SLC6A12: variants seen among roughly 807,000 people sequenced by gnomAD.
SLC6A12 encodes solute carrier family 6 member 12.
A neutral mutation model predicts 73.3 loss-of-function variants in SLC6A12; 50 were observed. That is an observed-to-expected ratio of 0.68 (90% CI 0.54 to 0.86). The LOEUF is 0.86. Among genes scored for constraint, SLC6A12 ranks in the 40% least tolerant of loss-of-function variants. The pLI is 0.00. For synonymous variants in SLC6A12, 304 were observed against 309.2 expected, an observed-to-expected ratio of 0.98 and a Z score of 0.18; for missense variants, 648 against 772.8, an observed-to-expected ratio of 0.84 and a Z score of 1.92.
rs1355445068 is a variant in SLC6A12, at chr12:196,192, G to A, written c.1258C>T (p.Arg420Trp). Reference sequence around the variant, plus strand: ...ATGGTGAGGATGAGGAGCTCGCGCCGCCCGCTCTTCCGGAGCTGCCTGGGG... The same window carrying A: ...ATGGTGAGGATGAGGAGCTCGCGCCACCCGCTCTTCCGGAGCTGCCTGGGG... ...MFPRQLRKSG[R>W]RELLILTIAV... The change falls in exon 12 of 16, where the codon CGG becomes TGG. Residue 420 changes from arginine (R) to tryptophan (W), a missense_variant. Coordinates refer to ENST00000684302, the MANE Select transcript of SLC6A12 (RefSeq NM_001122848.3). 44 of 1,587,454 alleles carry A rather than the reference G, an allele frequency of 2.8e-5. No individual in the cohort carries two copies. The highest frequency in any genetic ancestry group is 1.7e-4 in the Middle Eastern group (1 of 5,804).
intron 3 of SLC6A12, 110 bp downstream of exon 3, chr12:209,663 A>G (rs1030945448): frequency 1.2e-5 from 14 of 1,188,840 alleles, no homozygotes; most frequent in Admixed American, 1.8e-5. Flanking sequence ...CAATTCCAAA[A>G]TAGCCCTCCT....
intron 14 of SLC6A12, among the ~76,000 whole-genome samples, chr12:192,877 A>G (rs1165021620): frequency 6.9e-6 from 1 of 145,664 alleles, no homozygotes; most frequent in Non-Finnish European, 1.5e-5. Flanking sequence ...CATTCACATC[A>G]CAGACGGAGA....
chr12:207,550 C>T (rs1280778078), intron 3 of SLC6A12, among the ~76,000 whole-genome samples: 1 of 152,120 alleles, frequency 6.6e-6, no homozygotes, highest in Non-Finnish European at 1.5e-5. Context: ...AATTAATAAT[C>T]AATAAATTTC....
At position 209,946 on chromosome 12, in the gene SLC6A12, G is replaced by A. The variant is rs770517528; in HGVS notation, c.41C>T (p.Ala14Val). The A allele has an allele frequency of 7.4e-6, 12 of 1,614,036 alleles. No individual in the cohort carries two copies. Among genetic ancestry groups the A allele is most frequent in the South Asian group, 3.3e-5 (3 of 91,076 alleles). Reference sequence around the variant, plus strand: ...TCCCTCCTCGGGGACCCAGGAGACTGCAGGAGGCCCACACTCTTGCACTGC... The same window carrying A: ...TCCCTCCTCGGGGACCCAGGAGACTACAGGAGGCCCACACTCTTGCACTGC... ...KVAVQECGPP[A>V]VSWVPEEGEK... is the part of the protein sequence containing the mutation. The change falls in exon 3 of 16, where the codon GCA becomes GTA. Residue 14 changes from alanine (A) to valine (V), a missense_variant. By Grantham distance (64) the Ala-to-Val change is moderately conservative (BLOSUM62 0). Transcript: ENST00000684302.
In SLC6A12 at chr12:198,594, GA is replaced by G. The variant is rs1294465841; in HGVS notation, c.846+202del. 4 of 536,326 alleles carry G rather than the reference GA, an allele frequency of 7.5e-6. No homozygotes were observed. Among genetic ancestry groups the G allele is most frequent in the African/African-American group, 3.9e-5 (2 of 51,576 alleles). The allele number at this position is 536,326 out of a possible 1,614,324, so 33.2% of individuals were successfully genotyped here. A position where few individuals can be genotyped will look rare whatever the true frequency, so the allele number is the denominator to read the frequency against. ...AAGTAAGAGAAAAAAAATTTTTTAA[GA>G]AAAAAAGTTATATTTGAGTGGTGGA... On this transcript the variant is annotated intron_variant, in intron 8 of 15. Transcript: ENST00000684302. This position sits in a 1 kb window ranked among gnomAD's most constrained non-coding sequence, Gnocchi z 4.0.
chr12:209,694 G>A, intron 3 of SLC6A12, 79 bp downstream of exon 3: 1 of 1,498,506 alleles, frequency 6.7e-7, no homozygotes, highest in East Asian at 2.3e-5. Flanking sequence ...ACACTGCCCA[G>A]GAAGGAGGGC....
At chr12:187,494 G>A (rs1939451461), downstream of SLC6A12, among the ~76,000 whole-genome samples, 1 of 150,232 alleles carries the variant, frequency 6.7e-6, no homozygotes, top group Non-Finnish European at 1.5e-5. Flanking sequence ...GCTGGTTTCA[G>A]AAGTAAACCT....
intron 12 of SLC6A12, 93 bp downstream of exon 12, chr12:196,031 G>C: frequency 2.4e-6 from 3 of 1,248,932 alleles, no homozygotes; most frequent in Non-Finnish European, 3.3e-6. Flanking sequence ...CTCGTCAGCA[G>C]ATAAGAAAAG....
rs1049698268 is a variant in SLC6A12, at chr12:190,561, C to T, written c.*507G>A. ...ACTGACGGCATGCAAAGGCTTGCCT[C>T]TGTCGTTAAGCCTAAGGAAGGATCC... On this transcript the variant is annotated 3_prime_UTR_variant, in exon 16 of 16. Transcript: ENST00000684302. 1 of 152,208 alleles carries T rather than the reference C, an allele frequency of 6.6e-6. No homozygotes were observed. Among genetic ancestry groups the T allele is most frequent in the Admixed American group, 6.5e-5 (1 of 15,292 alleles). 9.4% of individuals were successfully genotyped at this position (152,208 alleles called of 1,614,324 possible). A position where few individuals can be genotyped will look rare whatever the true frequency, so the allele number is the denominator to read the frequency against.
the SLC6A12 span, among the ~76,000 whole-genome samples, chr12:184,672 C>CCCGGG: frequency 1.6e-4 from 24 of 152,240 alleles, no homozygotes; most frequent in South Asian, 3.9e-3. Flanking sequence ...ATGGCGTGAA[C>CCCGGG]CCGGGAGGCG....
rs1231096606 is a variant in SLC6A12, at chr12:196,318, G to A, written c.1189-57C>T. The A allele has an allele frequency of 3.0e-4, 475 of 1,562,998 alleles. 3 individuals are homozygous for A. Among genetic ancestry groups the A allele is most frequent in the Non-Finnish European group, 6.9e-5 (80 of 1,152,508 alleles). On this transcript the variant is annotated intron_variant, in intron 11 of 15. Transcript: ENST00000684302. ...GTGTGGGGCGGGCTGTTGGCCACCAGCCCTGGCCTCCACTTCCCCTGGCTC... is the reference window on the plus strand; with the variant it reads ...GTGTGGGGCGGGCTGTTGGCCACCAACCCTGGCCTCCACTTCCCCTGGCTC...
downstream of SLC6A12, among the ~76,000 whole-genome samples, chr12:186,573 G>C (rs906782545): frequency 6.6e-6 from 1 of 152,194 alleles, no homozygotes; most frequent in Non-Finnish European, 1.5e-5. Context: ...GGCCAGCTGG[G>C]AGGATACATT....
At chr12:204,493 A>T in intron 4 of SLC6A12, 71 bp downstream of exon 4, 1 of 1,434,800 alleles carries the variant, frequency 7.0e-7, no homozygotes, top group Non-Finnish European at 9.8e-7. Flanking sequence ...ATGGGTAGGC[A>T]GGGAGAGACC....
At chr12:204,007 T>G (rs111309051) in intron 4 of SLC6A12, 3,020 of 153,176 alleles carry the variant, frequency 0.02, 39 homozygotes, top group Non-Finnish European at 0.03. Flanking sequence ...CTCTCTCCTC[T>G]CGCATTCCAG....
At position 190,972 on chromosome 12, in the gene SLC6A12, G is replaced by A. The variant is rs1591775280; in HGVS notation, c.*96C>T. ...CTCTCCAGAGGTTCCCAGCAGGATTGTGGCAGGAGACAGAGGCAGAGGCTG... is the reference window on the plus strand; with the variant it reads ...CTCTCCAGAGGTTCCCAGCAGGATTATGGCAGGAGACAGAGGCAGAGGCTG... On this transcript the variant is annotated 3_prime_UTR_variant, in exon 16 of 16. Coordinates refer to ENST00000684302, the MANE Select transcript of SLC6A12 (RefSeq NM_001122848.3). 1.8e-6 allele frequency: 2 copies of A among 1,086,216 alleles called. No individual in the cohort carries two copies. The highest frequency in any genetic ancestry group is 1.6e-5 in the African/African-American group (1 of 61,534). 67.3% of individuals were successfully genotyped at this position (1,086,216 alleles called of 1,614,324 possible).
intron 2 of SLC6A12, among the ~76,000 whole-genome samples, 159 bp downstream of exon 2, chr12:211,867 C>T (rs1017213760): frequency 6.6e-6 from 1 of 152,180 alleles, no homozygotes; most frequent in Non-Finnish European, 1.5e-5. Flanking sequence ...ACTCTTTCTA[C>T]GTATTATTGA....
chr12:188,361 C>T (rs1939477364), downstream of SLC6A12, among the ~76,000 whole-genome samples: 1 of 151,950 alleles, frequency 6.6e-6, no homozygotes, highest in Admixed American at 6.6e-5. Flanking sequence ...GCCGGCAGGC[C>T]GCTCCGATTG....
Position 213,347 on chromosome 12 carries a change from C to G in SLC6A12, c.-143+575G>C, listed in dbSNP as rs995745967. ...TGTAGTCCTTCACACCCCGTGAGTGCCGGTCTCAGCTGGTGGCTGCCTGCA... is the reference window on the plus strand; with the variant it reads ...TGTAGTCCTTCACACCCCGTGAGTGGCGGTCTCAGCTGGTGGCTGCCTGCA... On this transcript the variant is annotated intron_variant, in intron 1 of 15. Transcript: ENST00000684302. The surrounding 1 kb of genome is among the most constrained non-coding windows in gnomAD (Gnocchi z 5.3). The G allele has an allele frequency of 6.6e-6, 1 of 152,542 alleles. No homozygotes were observed. The highest frequency in any genetic ancestry group is 2.1e-4 in the South Asian group (1 of 4,836). 9.4% of individuals were successfully genotyped at this position (152,542 alleles called of 1,614,324 possible). A position where few individuals can be genotyped will look rare whatever the true frequency, so the allele number is the denominator to read the frequency against.
downstream of SLC6A12, among the ~76,000 whole-genome samples, chr12:189,515 C>T (rs1165693231): frequency 6.6e-6 from 1 of 152,168 alleles, no homozygotes; most frequent in Non-Finnish European, 1.5e-5. Context: ...GAGGACGGAA[C>T]TCACCCCAGC....
Sources: allele counts gnomAD v4.1 joint callset (sites outside exome capture counted in the v4.1 genomes callset), GRCh38; gene constraint gnomAD v4.1.1; non-coding constraint Gnocchi (gnomAD v3.1); transcripts MANE v1.5; gene names NCBI Gene and HGNC (gene_info 2026-07-23, HGNC 2026-07-21).